The following POLK variants were observed in gnomAD, a reference collection of about 807,000 sequenced individuals.
The protein encoded by POLK is DNA polymerase kappa.
In POLK, 76 loss-of-function variants were observed where a neutral mutation model predicts 94.0. The ratio of observed to expected loss-of-function variants is 0.81; its 90% CI spans 0.67 to 0.98. The LOEUF (loss-of-function observed/expected upper bound fraction) is 0.98, where lower values mean the gene tolerates loss of function less well. Ranked by LOEUF, POLK falls within the 50% of genes least tolerant of loss-of-function variation. The probability of loss-of-function intolerance (pLI) is 0.00; values close to 1 mark genes in which losing one functional copy is unlikely to be tolerated. For missense variants in POLK, 954 were observed against 1,010.1 expected, an observed-to-expected ratio of 0.94 and a Z score of 0.75; for synonymous variants, 349 against 325.4, an observed-to-expected ratio of 1.07 and a Z score of -0.78.
At chr5:75,547,523 G>T (rs1385248140) in intron 2 of POLK, among the ~76,000 whole-genome samples, 1 of 151,810 alleles carries the variant, frequency 6.6e-6, no homozygotes. Flanking sequence ...ATGCCTGTGT[G>T]TGTGGATATA....
intron 12 of POLK, among the ~76,000 whole-genome samples, chr5:75,594,674 T>G (rs1772973020): frequency 6.6e-6 from 1 of 152,270 alleles, no homozygotes; most frequent in Non-Finnish European, 1.5e-5. Flanking sequence ...CTGTAAAGAC[T>G]GATGACATTA....
intron 1 of POLK, among the ~76,000 whole-genome samples, chr5:75,530,396 C>CTTTTTTTTTTTTTT (rs201266079): frequency 8.1e-5 from 5 of 61,626 alleles, no homozygotes; most frequent in Non-Finnish European, 9.7e-5. Flanking sequence ...TTCCCTTTTT[C>CTTTTTTTTTTTTTT]TTTTTTTTTT....
intron 2 of POLK, among the ~76,000 whole-genome samples, chr5:75,550,227 A>G (rs1467028715): frequency 6.6e-6 from 1 of 152,182 alleles, no homozygotes; most frequent in Non-Finnish European, 1.5e-5. Context: ...GATTTAAACA[A>G]TATAGCAAAG....
intron 1 of POLK, among the ~76,000 whole-genome samples, chr5:75,527,504 C>T (rs61045129): frequency 0.025 from 1,797 of 72,936 alleles, 36 homozygotes; most frequent in African/African-American, 0.084. Context: ...TTTATATATA[C>T]ACACACACAC....
chr5:75,511,791 A>T (rs748340498), exon 1 of POLK: 21 of 1,551,506 alleles, frequency 1.4e-5, no homozygotes, highest in Non-Finnish European at 1.6e-5. Flanking sequence ...CGGGTAGAAA[A>T]GCAGGAGGAG....
intron 3 of POLK, among the ~76,000 whole-genome samples, chr5:75,562,287 G>A (rs1771030764): frequency 6.6e-6 from 1 of 152,150 alleles, no homozygotes; most frequent in Non-Finnish European, 1.5e-5. Flanking sequence ...GTGAGTGAGA[G>A]TTCACTCATG....
chr5:75,576,790 T>C, exon 6 of POLK: 2 of 1,507,122 alleles, frequency 1.3e-6, no homozygotes, highest in Non-Finnish European at 1.8e-6. Context: ...GTTAAGGAAA[T>C]ACTTGCTGAT....
At chr5:75,577,225 CAA>C (rs1771934600) in intron 6 of POLK, among the ~76,000 whole-genome samples, 1 of 152,158 alleles carries the variant, frequency 6.6e-6, no homozygotes, top group African/African-American at 2.4e-5. Flanking sequence ...GTCTAACTAA[CAA>C]AGAGTTTGGA....
At chr5:75,531,571 G>A (rs1458500871) in intron 1 of POLK, among the ~76,000 whole-genome samples, 2 of 151,948 alleles carry the variant, frequency 1.3e-5, no homozygotes, top group East Asian at 3.9e-4. Context: ...AAGGCAGGTG[G>A]ATCACGAGGT....
chr5:75,536,407 G>A (rs1341812975), intron 1 of POLK, among the ~76,000 whole-genome samples: 2 of 152,172 alleles, frequency 1.3e-5, no homozygotes, highest in African/African-American at 4.8e-5. Context: ...GGTGGAAGTG[G>A]GAACCCTGGA....
chr5:75,514,439 C>A (rs1348595605), intron 1 of POLK, among the ~76,000 whole-genome samples: 2 of 152,148 alleles, frequency 1.3e-5, no homozygotes, highest in African/African-American at 4.8e-5. Context: ...CACCAAAGAA[C>A]CAAATAACAT....
intron 1 of POLK, among the ~76,000 whole-genome samples, chr5:75,528,915 G>A (rs893436124): frequency 1.3e-5 from 2 of 152,092 alleles, no homozygotes; most frequent in Non-Finnish European, 2.9e-5. Context: ...TATCCATGGG[G>A]GATTGGCTCC....
intron 1 of POLK, among the ~76,000 whole-genome samples, chr5:75,517,739 A>G (rs1044457125): frequency 2.0e-5 from 3 of 152,192 alleles, no homozygotes; most frequent in African/African-American, 4.8e-5. Context: ...AAGGCTTTCA[A>G]TATTTCACCA....
chr5:75,550,314 C>T (rs1396172216), intron 2 of POLK, among the ~76,000 whole-genome samples: 3 of 152,198 alleles, frequency 2.0e-5, no homozygotes, highest in Non-Finnish European at 4.4e-5. Context: ...CGGCCAAGCT[C>T]ATGCCTATGA....
At chr5:75,536,968 C>T (rs970581569) in intron 1 of POLK, among the ~76,000 whole-genome samples, 1 of 152,144 alleles carries the variant, frequency 6.6e-6, no homozygotes, top group African/African-American at 2.4e-5. Context: ...CACACAGAAG[C>T]AGGACTGCTG....
At chr5:75,511,101 G>A (rs367796135), upstream of POLK, 53 of 1,544,928 alleles carry the variant, frequency 3.4e-5, no homozygotes, top group African/African-American at 6.7e-4. Context: ...TTGGCACCAG[G>A]GGTTGCTCAC....
At chr5:75,541,333 G>A (rs1358089332) in intron 1 of POLK, among the ~76,000 whole-genome samples, 1 of 151,954 alleles carries the variant, frequency 6.6e-6, no homozygotes, top group East Asian at 1.9e-4. Context: ...AAAAACTTGG[G>A]GCTTGGGGAA....
At chr5:75,588,498 C>G (rs1672129679) in intron 10 of POLK, among the ~76,000 whole-genome samples, 1 of 152,132 alleles carries the variant, frequency 6.6e-6, no homozygotes, top group African/African-American at 2.4e-5. Flanking sequence ...TCTCAGATAC[C>G]TTTCTTTCAC....
chr5:75,584,819 T>C (rs1258043000), exon 9 of POLK: 5 of 1,598,482 alleles, frequency 3.1e-6, no homozygotes, highest in East Asian at 2.2e-5. Flanking sequence ...TTATTACATG[T>C]ACAGAACTTT....
Sources: allele counts gnomAD v4.1 joint callset (sites outside exome capture counted in the v4.1 genomes callset), GRCh38; gene constraint gnomAD v4.1.1; transcripts MANE v1.5; gene names NCBI Gene and HGNC (gene_info 2026-07-23, HGNC 2026-07-21).